Variants in FBXW11 observed in about 807,000 individuals in gnomAD.
The protein encoded by FBXW11 is F-box/WD repeat-containing protein 11.
In FBXW11, 19 loss-of-function variants were observed where a neutral mutation model predicts 77.6. The observed-to-expected ratio is 0.24, with a 90% confidence interval of 0.17 to 0.36. The LOEUF is 0.36. FBXW11 is among the 10% of genes least tolerant of loss of function. FBXW11 has a pLI of 1.00. For synonymous variants in FBXW11, 235 were observed against 249.4 expected (o/e 0.94, Z 0.54); for missense variants, 334 against 704.2 (o/e 0.47, Z 5.95).
chr5:171,960,120 A>G (rs1763828977), intron 1 of FBXW11, among the ~76,000 whole-genome samples: 1 of 152,196 alleles, frequency 6.6e-6, no homozygotes, highest in Non-Finnish European at 1.5e-5. Flanking sequence ...TCACGCCTAT[A>G]GCCCCAGCAC....
At chr5:172,000,212 T>A (rs775349096) in intron 1 of FBXW11, among the ~76,000 whole-genome samples, 1 of 152,222 alleles carries the variant, frequency 6.6e-6, no homozygotes, top group Non-Finnish European at 1.5e-5. Context: ...CTTATTCTGT[T>A]AAGGTTAAAA....
chr5:171,914,560 G>A (rs1761107331), intron 2 of FBXW11, among the ~76,000 whole-genome samples, 155 bp from the exon 3 acceptor site: 1 of 152,124 alleles, frequency 6.6e-6, no homozygotes, highest in Admixed American at 6.5e-5. Flanking sequence ...TTGGGTCAAG[G>A]GAGATGTGCT....
chr5:171,996,448 T>C (rs1766052577), intron 1 of FBXW11, among the ~76,000 whole-genome samples: 1 of 152,118 alleles, frequency 6.6e-6, no homozygotes, highest in East Asian at 1.9e-4. Flanking sequence ...AGGCAAATCA[T>C]TCGAGCCCAG....
At chr5:171,911,529 A>C (rs1303789459) in intron 3 of FBXW11, among the ~76,000 whole-genome samples, 1 of 152,158 alleles carries the variant, frequency 6.6e-6, no homozygotes, top group African/African-American at 2.4e-5. Flanking sequence ...ATTTTACCCA[A>C]CAGTTTCAAT....
intron 2 of FBXW11, among the ~76,000 whole-genome samples, chr5:171,954,073 T>C (rs770545602): frequency 2.0e-5 from 3 of 152,222 alleles, no homozygotes; most frequent in Middle Eastern, 3.2e-3. Context: ...AAAAGGCTTA[T>C]CACTAACACT....
chr5:171,918,586 C>T (rs1207541054), intron 2 of FBXW11, among the ~76,000 whole-genome samples: 1 of 152,138 alleles, frequency 6.6e-6, no homozygotes, highest in African/African-American at 2.4e-5. Flanking sequence ...TCATTTCCTT[C>T]CTCTTATGTC....
intron 2 of FBXW11, among the ~76,000 whole-genome samples, chr5:171,922,286 T>C (rs1351876696): frequency 1.3e-5 from 2 of 152,206 alleles, no homozygotes; most frequent in Non-Finnish European, 2.9e-5. Context: ...AATCTAAATA[T>C]ATTCCGCCAA....
chr5:171,987,730 G>C (rs1765522367), intron 1 of FBXW11, among the ~76,000 whole-genome samples: 1 of 152,110 alleles, frequency 6.6e-6, no homozygotes, highest in Non-Finnish European at 1.5e-5. Context: ...TGGGATTACG[G>C]GCGTGAGCTA....
rs72835263 is a variant in FBXW11 at position 171,898,588 on chromosome 5, T to C, written c.714+416A>G. 7.0e-3 allele frequency among the ~76,000 whole-genome samples: 1,061 copies of C among 152,270 alleles called. 9 individuals carry two copies. The highest frequency in any genetic ancestry group is 0.061 in the Middle Eastern group (18 of 294). The stretch of plus-strand genomic sequence containing the variant: ...TGCTTAGAATGATATCTGAGTCATG[T>C]TTATGAAAAACTATGAGTAATGTAC... On this transcript the variant is annotated intron_variant, in intron 6 of 13. Coordinates refer to ENST00000517395, the MANE Select transcript of FBXW11 (RefSeq NM_001378974.1).
At position 171,966,003 on chromosome 5, in the gene FBXW11, G is replaced by C. The variant is rs146652515; in HGVS notation, c.46-8305C>G. ...TTCTCACCCTCTCTCCTGCATCAGC[G>C]TGGTAAGACATGCTTGTTTCCCCTT... On this transcript the variant is annotated intron_variant, in intron 1 of 13. Coordinates refer to ENST00000517395, the MANE Select transcript of FBXW11 (RefSeq NM_001378974.1). 2.0e-5 allele frequency among the ~76,000 whole-genome samples: 3 copies of C among 152,018 alleles called. No homozygotes were observed. The East Asian group carries it at 5.8e-4, about 29-fold the overall frequency.
chr5:171,972,445 G>A (rs376870973), intron 1 of FBXW11, among the ~76,000 whole-genome samples: 13 of 132,700 alleles, frequency 9.8e-5, no homozygotes, highest in African/African-American at 3.4e-4. Flanking sequence ...AGGCTACAGT[G>A]AGCCAAGATC....
At position 171,900,086 on chromosome 5, in the gene FBXW11, G is replaced by C. The variant is rs747178907; in HGVS notation, c.451C>G (p.His151Asp). Residue 151 changes from histidine (H) to aspartate (D), a missense_variant, in exon 5 of 14, where the codon CAC (histidine) becomes GAC (aspartate). By Grantham distance (81) the His-to-Asp change is moderately conservative. Transcript: ENST00000517395. ...ITALPEQGLD[H>D]IAENILSYLD... ...TACGAAAGAATGTTTTCTGCTATGT[G>C]ATCTAAGCCTTGCTCTACAAAACAG... is the stretch of plus-strand genomic sequence containing the variant. 6.2e-7 allele frequency: 1 copy of C among 1,612,184 alleles called. No individual in the cohort carries two copies. Among genetic ancestry groups the C allele is most frequent in the Non-Finnish European group, 8.5e-7 (1 of 1,178,912 alleles).
chr5:171,969,870 AT>A (rs1383451364), intron 1 of FBXW11, among the ~76,000 whole-genome samples: 6 of 152,012 alleles, frequency 3.9e-5, no homozygotes, highest in Admixed American at 2.6e-4. Context: ...CACCCAGCTA[AT>A]TTTTTCTATT....
At chr5:171,879,068 T>C (rs1758332511) in intron 7 of FBXW11, among the ~76,000 whole-genome samples, 1 of 152,232 alleles carries the variant, frequency 6.6e-6, no homozygotes, top group South Asian at 2.1e-4. Flanking sequence ...ATGTATATTT[T>C]AGAAAAGGAA....
At chr5:171,983,270 C>T (rs1425103790) in intron 1 of FBXW11, among the ~76,000 whole-genome samples, 1 of 152,160 alleles carries the variant, frequency 6.6e-6, no homozygotes, top group Non-Finnish European at 1.5e-5. Flanking sequence ...GGCACACTCA[C>T]AGAGGGCATG....
chr5:171,985,537 T>A, intron 1 of FBXW11, among the ~76,000 whole-genome samples: 1 of 151,834 alleles, frequency 6.6e-6, no homozygotes, highest in Non-Finnish European at 1.5e-5. Flanking sequence ...GAGATAAGGA[T>A]CATTTGAAGC....
rs1430492557 is a variant in FBXW11, at chr5:171,863,420, A to C, written c.*707T>G. 1.3e-5 allele frequency: 2 copies of C among 152,612 alleles called. No individual in the cohort carries two copies. The highest frequency in any genetic ancestry group is 1.3e-4 in the Admixed American group (2 of 15,284). 9.5% of individuals were successfully genotyped at this position (152,612 alleles called of 1,614,324 possible). A position where few individuals can be genotyped will look rare whatever the true frequency, so the allele number is the denominator to read the frequency against. ...CACGTATAAAGGTGTTACTCTACCA[A>C]ATATCAGGAGATGGTTGGGGGACAG... On this transcript the variant is annotated 3_prime_UTR_variant, in exon 14 of 14. Coordinates refer to ENST00000517395, the MANE Select transcript of FBXW11 (RefSeq NM_001378974.1).
At chr5:171,884,497 T>C (rs1180134289) in intron 7 of FBXW11, among the ~76,000 whole-genome samples, 2 of 152,216 alleles carry the variant, frequency 1.3e-5, no homozygotes, top group Non-Finnish European at 2.9e-5. Context: ...TTTATTCTTT[T>C]TGCTTAGTCT....
intron 4 of FBXW11, among the ~76,000 whole-genome samples, chr5:171,900,432 C>G (rs1362089878): frequency 6.6e-6 from 1 of 152,100 alleles, no homozygotes; most frequent in African/African-American, 2.4e-5. Flanking sequence ...AATGACGCCC[C>G]AAGTTTGACA....
Sources: allele counts gnomAD v4.1 joint callset (sites outside exome capture counted in the v4.1 genomes callset), GRCh38; gene constraint gnomAD v4.1.1; transcripts MANE v1.5; gene names NCBI Gene and HGNC (gene_info 2026-07-23, HGNC 2026-07-21).